The following ZNF91 variants were observed in gnomAD, a reference collection of about 807,000 sequenced individuals.
ZNF91 encodes the protein zinc finger protein 91 (HPF7, HTF10).
Under a neutral mutation model 12.6 loss-of-function variants are expected in ZNF91, and 7 were observed. The observed-to-expected ratio is 0.55, with a 90% CI of 0.31 to 1.04. The LOEUF is 1.04. Among genes scored for constraint, ZNF91 ranks in the 50% least tolerant of loss-of-function variants. ZNF91 has a pLI of 0.05. For synonymous variants in ZNF91, 453 were observed against 462.6 expected, an observed-to-expected ratio of 0.98 and a Z score of 0.27; for missense variants, 1,217 against 1,385.4, an observed-to-expected ratio of 0.88 and a Z score of 1.93.
chr19:23,394,198 T>A (rs1408899659), intron 1 of ZNF91, among the ~76,000 whole-genome samples: 1 of 151,954 alleles, frequency 6.6e-6, no homozygotes, highest in Non-Finnish European at 1.5e-5. Context: ...TTGAGACACA[T>A]GTAAAAAATT....
At chr19:23,323,878 C>G (rs988720024) in intron 1 of ZNF91, 8 of 144,866 alleles carry the variant, frequency 5.5e-5, no homozygotes, top group African/African-American at 1.8e-4. Flanking sequence ...TCTTCGTTTC[C>G]TATTTTTTCT....
chr19:23,347,735 C>G (rs1599707472), intron 3 of ZNF91, among the ~76,000 whole-genome samples: 1 of 152,150 alleles, frequency 6.6e-6, no homozygotes, highest in South Asian at 2.1e-4. Context: ...GAGAGATTAC[C>G]CAGTCCTGCT....
At chr19:23,342,161 C>T (rs895901389) in intron 3 of ZNF91, 4 of 472,026 alleles carry the variant, frequency 8.5e-6, no homozygotes, top group African/African-American at 3.9e-5. Flanking sequence ...TTCATTCATG[C>T]TTACCTACCT....
chr19:23,329,915 G>A (rs1967897847), intron 1 of ZNF91, among the ~76,000 whole-genome samples: 1 of 152,164 alleles, frequency 6.6e-6, no homozygotes, highest in Admixed American at 6.5e-5. Flanking sequence ...TACTCAGCGA[G>A]TGACCATCTT....
At chr19:23,307,343 G>A (rs1296463727) in exon 3 of ZNF91, 1 of 151,956 alleles carries the variant, frequency 6.6e-6, no homozygotes, top group Non-Finnish European at 1.5e-5. Flanking sequence ...AAGAGATTGG[G>A]GCCTATCTGC....
chr19:23,316,398 G>A (rs12982024), intron 1 of ZNF91, among the ~76,000 whole-genome samples: 28,653 of 152,152 alleles, frequency 0.19, 2,921 homozygotes, highest in Non-Finnish European at 0.21. Flanking sequence ...TGTGTCTCTC[G>A]TAATTGGGCC....
intron 1 of ZNF91, among the ~76,000 whole-genome samples, chr19:23,319,912 A>C (rs927077103): frequency 1.3e-5 from 2 of 152,194 alleles, no homozygotes; most frequent in African/African-American, 4.8e-5. Context: ...TCAGGGAAAA[A>C]GGTAAGATCC....
downstream of ZNF91, among the ~76,000 whole-genome samples, chr19:23,337,350 GTGTGTGTGTA>G (rs1968033597): frequency 7.2e-6 from 1 of 139,746 alleles, no homozygotes; most frequent in South Asian, 2.4e-4. Context: ...GTGTGTGTAT[GTGTGTGTGTA>G]TATATATATA....
intron 1 of ZNF91, among the ~76,000 whole-genome samples, chr19:23,310,377 G>C (rs1967452826): frequency 1.3e-5 from 2 of 152,176 alleles, no homozygotes; most frequent in African/African-American, 2.4e-5. Flanking sequence ...TGGTCCACAG[G>C]TTGACTGCTG....
chr19:23,369,997 TCAA>T (rs1969206564), intron 3 of ZNF91, among the ~76,000 whole-genome samples: 6 of 92,948 alleles, frequency 6.5e-5, no homozygotes, highest in Non-Finnish European at 1.1e-4. Context: ...CCAAGAATGA[TCAA>T]TAAAAAAAAA....
chr19:23,325,563 T>C (rs994545124), intron 1 of ZNF91: 6 of 152,220 alleles, frequency 3.9e-5, no homozygotes, highest in Admixed American at 3.3e-4. Context: ...CTGCAAGTAC[T>C]TGTAAAAATG....
intron 1 of ZNF91, among the ~76,000 whole-genome samples, chr19:23,386,257 G>A (rs1384293272): frequency 3.9e-5 from 6 of 152,000 alleles, no homozygotes; most frequent in Admixed American, 3.9e-4. Context: ...CAGATTTAAT[G>A]CTGTTCGATA....
chr19:23,373,386 AAAT>A (rs1969371317), intron 3 of ZNF91, among the ~76,000 whole-genome samples: 2 of 86,450 alleles, frequency 2.3e-5, no homozygotes, highest in Admixed American at 1.1e-4. Context: ...ATATATATAT[AAAT>A]AAACAGTACT....
At position 23,361,149 on chromosome 19, in the gene ZNF91, T is replaced by C. The variant is rs1362900251; in HGVS notation, c.1830A>G (p.Ala610=). The C allele has an allele frequency of 6.2e-7, 1 of 1,611,700 alleles. No homozygotes were observed. Among genetic ancestry groups the C allele is most frequent in the African/African-American group, 1.3e-5 (1 of 74,182 alleles). Residue 610 remains alanine, a synonymous_variant, in exon 4 of 4, where the codon GCA becomes GCG. Transcript: ENST00000300619. ...KSYKCEECGK[A]FLWSSTLRRH... is the part of the protein sequence containing the mutation. ...TTCTTAGGGTTGAGGACCATAGAAA[T>C]GCTTTGCCACATTCTTCACACTTGT...
At chr19:23,373,386 A>AT (rs1491489801) in intron 3 of ZNF91, among the ~76,000 whole-genome samples, 4,206 of 85,916 alleles carry the variant, frequency 0.049, 216 homozygotes, top group Middle Eastern at 0.1. Context: ...ATATATATAT[A>AT]AATAAACAGT....
chr19:23,309,847 G>A (rs781640279), intron 1 of ZNF91, among the ~76,000 whole-genome samples: 27 of 151,612 alleles, frequency 1.8e-4, no homozygotes, highest in African/African-American at 5.8e-4. Context: ...AAGGCCCAGC[G>A]TGCAGATGAG....
chr19:23,391,901 T>C (rs1970074106), intron 1 of ZNF91, among the ~76,000 whole-genome samples: 1 of 152,184 alleles, frequency 6.6e-6, no homozygotes, highest in African/African-American at 2.4e-5. Context: ...TTAATTTCTA[T>C]GTCAGAGTTA....
downstream of ZNF91, among the ~76,000 whole-genome samples, chr19:23,334,638 G>A (rs190791603): frequency 8.5e-5 from 13 of 152,192 alleles, no homozygotes; most frequent in African/African-American, 3.1e-4. Flanking sequence ...TTTACTAATT[G>A]GTACTTATTT....
At position 23,362,097 on chromosome 19, in the gene ZNF91, G is replaced by A. The variant is rs781308424; in HGVS notation, c.882C>T (p.Tyr294=). 2 of 1,614,064 alleles carry A rather than the reference G, an allele frequency of 1.2e-6. No individual in the cohort carries two copies. Among genetic ancestry groups the A allele is most frequent in the South Asian group, 2.2e-5 (2 of 91,080 alleles). Reference sequence around the variant, plus strand: ...AAGCTTTGCCACATTCTTCACATTTGTAGGGTTTCTCTCCAGTGTGTATCC... The same window carrying A: ...AAGCTTTGCCACATTCTTCACATTTATAGGGTTTCTCTCCAGTGTGTATCC... ...HKRIHTGEKP[Y]KCEECGKAFS... is the part of the protein sequence containing the mutation. Residue 294 remains tyrosine, a synonymous_variant, in exon 4 of 4, where the codon TAC becomes TAT. Transcript: ENST00000300619.
Sources: gnomAD v4.1 joint callset for allele counts (sites outside exome capture counted in the v4.1 genomes callset) on GRCh38, gnomAD v4.1.1 for gene constraint, MANE v1.5 for transcripts, NCBI Gene and HGNC (gene_info 2026-07-23, HGNC 2026-07-21) for gene names.